The following NEB variants were observed in gnomAD, a reference collection of about 807,000 sequenced individuals.
NEB encodes nemaline myopathy type 2.
Under a neutral mutation model 952.2 loss-of-function variants are expected in NEB, and 512 were observed. That is an observed-to-expected ratio of 0.54 (90% CI 0.50 to 0.58). The LOEUF (loss-of-function observed/expected upper bound fraction) is 0.58, where lower values mean the gene tolerates loss of function less well. NEB is among the 20% of genes least tolerant of loss of function. NEB has a pLI of 0.00. For synonymous variants in NEB, 2,900 were observed against 3,149.8 expected, an observed-to-expected ratio of 0.92 and a Z score of 2.66; for missense variants, 8,428 against 9,231.1, an observed-to-expected ratio of 0.91 and a Z score of 3.56.
At chr2:151,503,074 A>G in intron 166 of NEB, 189 bp from the exon 167 acceptor site, 1 of 581,032 alleles carries the variant, frequency 1.7e-6, no homozygotes, top group African/African-American at 1.9e-5. Flanking sequence ...TGGAAATGAA[A>G]AAGTACAATG....
intron 12 of NEB, among the ~76,000 whole-genome samples, 194 bp downstream of exon 12, chr2:151,709,462 A>C (rs1375724458): frequency 6.6e-6 from 1 of 152,162 alleles, no homozygotes; most frequent in Non-Finnish European, 1.5e-5. Context: ...TTATAATTCC[A>C]AAGTACTTTT....
At chr2:151,651,928 A>G (rs1392787295) in intron 52 of NEB, among the ~76,000 whole-genome samples, 1 of 152,242 alleles carries the variant, frequency 6.6e-6, no homozygotes, top group African/African-American at 2.4e-5. Flanking sequence ...TCAAGAAAAC[A>G]ACACTAAATT....
rs536841560 is a variant in NEB, at chr2:151,660,139, T to C, written c.5971-970A>G. 4.3e-4 allele frequency among the ~76,000 whole-genome samples: 66 copies of C among 152,230 alleles called. 1 individual carries two copies. In the South Asian group the frequency reaches 0.013, roughly 31 times the overall value. ...ACTCATCGAAGTGGGGGTACAAAGA[T>C]CTAGCCATTTCAGTTCAGTGCAGGT... On this transcript the variant is annotated intron_variant, in intron 46 of 181. Transcript: ENST00000397345.
intron 145 of NEB, 131 bp downstream of exon 145, chr2:151,530,863 T>C (rs1371281732): frequency 1.6e-6 from 1 of 612,030 alleles, no homozygotes; most frequent in African/African-American, 1.8e-5. Flanking sequence ...GCAAAAGAGA[T>C]GACTATTATT....
Position 151,671,222 on chromosome 2 carries a change from T to C in NEB, c.4307A>G (p.Tyr1436Cys). The change falls in exon 38 of 182, where the codon TAT becomes TGT. Residue 1436 changes from tyrosine to cysteine, a missense_variant. Coordinates refer to ENST00000397345, the MANE Select transcript of NEB (RefSeq NM_001164508.2). ...CAAGAAGCTGTTATACTCGTCTTTA[T>C]ACACATTCTGTAAAAGGGTAAGCTA... is the stretch of plus-strand genomic sequence containing the variant. ...NVNQIQSDNV[Y>C]KDEYNSFLKG... 1.9e-6 allele frequency: 3 copies of C among 1,612,460 alleles called. No individual in the cohort carries two copies. Among genetic ancestry groups the C allele is most frequent in the East Asian group, 2.2e-5 (1 of 44,880 alleles).
intron 13 of NEB, among the ~76,000 whole-genome samples, chr2:151,704,620 T>A (rs2099696789): frequency 6.6e-6 from 1 of 152,292 alleles, no homozygotes; most frequent in South Asian, 2.1e-4. Flanking sequence ...GTGACCCGAT[T>A]TTCCAGGTGC....
At chr2:151,540,906 G>T in intron 136 of NEB, 105 bp from the exon 137 acceptor site, 1 of 920,042 alleles carries the variant, frequency 1.1e-6, no homozygotes, top group Non-Finnish European at 1.8e-6. Flanking sequence ...GGTGGTATCT[G>T]CTTACTGTCC....
At chr2:151,711,175 G>T (rs2099744105) in intron 10 of NEB, among the ~76,000 whole-genome samples, 1 of 152,146 alleles carries the variant, frequency 6.6e-6, no homozygotes, top group South Asian at 2.1e-4. Context: ...ACAAAATGCA[G>T]CACACAGAAG....
chr2:151,650,955 T>TTTTA, intron 52 of NEB, 70 bp from the exon 53 acceptor site: 1 of 1,401,766 alleles, frequency 7.1e-7, no homozygotes, highest in East Asian at 2.3e-5. Flanking sequence ...CTTTTTTTTC[T>TTTTA]TTTCTTTCTT....
chr2:151,512,752 A>G lies in NEB; in HGVS notation c.23327T>C (p.Val7776Ala). The change falls in exon 161 of 182, where the codon GTC (valine) becomes GCC (alanine). Residue 7776 changes from valine to alanine, a missense_variant. Val to Ala is a moderately conservative substitution (Grantham distance 64). Coordinates refer to ENST00000397345, the MANE Select transcript of NEB (RefSeq NM_001164508.2). Reference sequence around the variant, plus strand: ...CCTTACCTGGCTTGAAAGATTCTTGACTTGTTGGGCATGAATGATCTCTGG... The same window carrying G: ...CCTTACCTGGCTTGAAAGATTCTTGGCTTGTTGGGCATGAATGATCTCTGG... ...DTPEIIHAQQ[V>A]KNLSSQKKYK... 6.2e-7 allele frequency: 1 copy of G among 1,613,668 alleles called. No homozygotes were observed. The highest frequency in any genetic ancestry group is 2.2e-5 in the East Asian group (1 of 44,870).
chr2:151,666,373 G>A lies in NEB; in HGVS notation c.4748C>T (p.Ala1583Val), dbSNP rs761956085. ...GAGAAATCCAACTTGCTTGCCTTTGGCTTTCTCGTAGGCCTCCTTATATTT... is the reference window on the plus strand; with the variant it reads ...GAGAAATCCAACTTGCTTGCCTTTGACTTTCTCGTAGGCCTCCTTATATTT... Reference protein sequence around the residue: ...DCKYKEAYEKAKGKQVGFLSL... With the variant: ...DCKYKEAYEKVKGKQVGFLSL... The change falls in exon 41 of 182, where the codon GCC becomes GTC. Residue 1583 changes from alanine to valine, a missense_variant. By Grantham distance (64) the Ala-to-Val change is moderately conservative. This residue lies in a region of NEB where 2,851 missense variants were observed against 2,791.5 expected (regional missense o/e 1.02). Transcript: ENST00000397345. 5.3e-5 allele frequency: 86 copies of A among 1,613,620 alleles called. 1 individual carries two copies. In the Middle Eastern group the frequency reaches 9.9e-4, roughly 19 times the overall value.
Position 151,612,236 on chromosome 2 carries a change from C to T in NEB, c.11755G>A (p.Asp3919Asn), listed in dbSNP as rs201483656. ...ADQLKFTCIT[D>N]TPEIVLAKNN... ...TTTGCTAGGACAATTTCCGGAGTGT[C>T]GGTAATGCATGTGAATTTGAGCTGG... The change falls in exon 78 of 182, where the codon GAC becomes AAC. Residue 3919 changes from aspartate to asparagine, a missense_variant. By Grantham distance (23) the Asp-to-Asn change is conservative. Transcript: ENST00000397345. The T allele has an allele frequency of 3.2e-5, 51 of 1,613,700 alleles. No homozygotes were observed. The highest frequency in any genetic ancestry group is 2.7e-4 in the African/African-American group (20 of 74,880).
chr2:151,510,150 G>T (rs1474953113), intron 161 of NEB, among the ~76,000 whole-genome samples: 1 of 152,184 alleles, frequency 6.6e-6, no homozygotes, highest in African/African-American at 2.4e-5. Flanking sequence ...AGGTGCTGGG[G>T]TGATTACTCG....
chr2:151,697,045 C>T (rs965496242), intron 16 of NEB, 103 bp downstream of exon 16: 2 of 845,662 alleles, frequency 2.4e-6, no homozygotes, highest in South Asian at 1.9e-5. Flanking sequence ...CTTGCGATTG[C>T]CTGGCTTACA....
At position 151,717,451 on chromosome 2, in the gene NEB, C is replaced by A; in HGVS notation, c.787G>T (p.Glu263Ter). 6.2e-7 allele frequency: 1 copy of A among 1,613,914 alleles called. No individual in the cohort carries two copies. Among genetic ancestry groups the A allele is most frequent in the Non-Finnish European group, 8.5e-7 (1 of 1,179,808 alleles). The change falls in exon 10 of 182, where the codon GAA (glutamate) becomes TAA (stop). Residue 263 changes from glutamate (E) to a stop codon, truncating the protein, a stop_gained. Coordinates refer to ENST00000397345, the MANE Select transcript of NEB (RefSeq NM_001164508.2). LOFTEE classifies it high-confidence loss of function. ...TGATTGGTTACTTTCTTGGCAAATTCTATATCTGGAGGATCAGCCAGAGGC... is the reference window on the plus strand; with the variant it reads ...TGATTGGTTACTTTCTTGGCAAATTATATATCTGGAGGATCAGCCAGAGGC... The part of the protein sequence containing the change: ...FTPLADPPDI[E>*]FAKKVTNQVS...
At chr2:151,626,703 A>AT in intron 70 of NEB, among the ~76,000 whole-genome samples, 1 of 151,858 alleles carries the variant, frequency 6.6e-6, no homozygotes, top group Middle Eastern at 3.2e-3. Context: ...TGCCCGGCTA[A>AT]TTTTTTGTAT....
At chr2:151,572,900 G>A (rs2096692510) in intron 107 of NEB, among the ~76,000 whole-genome samples, 1 of 148,100 alleles carries the variant, frequency 6.8e-6, no homozygotes, top group African/African-American at 2.5e-5. Context: ...CCCGGGGCCT[G>A]AGACCCAATG....
rs1418109058 is a variant in NEB at position 151,531,852 on chromosome 2, G to C, written c.21462C>G (p.Thr7154=). Residue 7154 remains threonine (T), a synonymous_variant, in exon 144 of 182, where the codon ACC becomes ACG. Transcript: ENST00000397345. ...KNYEKSKDKF[T]SIVDTPEHLR... ...GGTGTTCTGGAGTATCCACAATTGA[G>C]GTAAATTTGTCCTTTGATTTTTCAT... 1.9e-6 allele frequency: 3 copies of C among 1,612,440 alleles called. No individual in the cohort carries two copies. Among genetic ancestry groups the C allele is most frequent in the East Asian group, 2.2e-5 (1 of 44,818 alleles).
Position 151,650,631 on chromosome 2 carries a change from A to G in NEB, c.7170T>C (p.Cys2390=). The G allele has an allele frequency of 1.9e-6, 3 of 1,611,502 alleles. No homozygotes were observed. Among genetic ancestry groups the G allele is most frequent in the Non-Finnish European group, 2.5e-6 (3 of 1,178,280 alleles). Reference sequence around the variant, plus strand: ...GCACAACATCGTTCTGATCAGGCAGACATGTCCACTGATGCAGGTAGTTCT... The same window carrying G: ...GCACAACATCGTTCTGATCAGGCAGGCATGTCCACTGATGCAGGTAGTTCT... ...DYKNYLHQWT[C]LPDQNDVVQA... is the part of the protein sequence containing the mutation. The change falls in exon 53 of 182, where the codon TGT becomes TGC. Residue 2390 remains cysteine (C), a synonymous_variant. Transcript: ENST00000397345.
Sources: gnomAD v4.1 joint callset for allele counts (sites outside exome capture counted in the v4.1 genomes callset) on GRCh38, gnomAD v4.1.1 for gene constraint, gnomAD v4.1.1 regional missense constraint, MANE v1.5 for transcripts, NCBI Gene and HGNC (gene_info 2026-07-23, HGNC 2026-07-21) for gene names.